Variants in ZSWIM9 observed in about 807,000 individuals in gnomAD.
ZSWIM9 encodes zinc finger SWIM-type containing 9.
A neutral mutation model predicts 25.0 loss-of-function variants in ZSWIM9; 11 were observed. That is an observed-to-expected ratio of 0.44 (90% CI 0.28 to 0.73). ZSWIM9 has a LOEUF of 0.73. Among genes scored for constraint, ZSWIM9 ranks in the 30% least tolerant of loss-of-function variants. The probability of loss-of-function intolerance (pLI) is 0.16; values close to 1 mark genes in which losing one functional copy is unlikely to be tolerated. For synonymous variants in ZSWIM9, 562 were observed against 582.1 expected (o/e 0.97, Z 0.50); for missense variants, 1,070 against 1,296.5 (o/e 0.83, Z 2.68).
At position 48,196,680 on chromosome 19, in the gene ZSWIM9, T is replaced by A. The variant is rs1454666189; in HGVS notation, c.2616T>A (p.Asp872Glu). ...LKDGTSDFFL[D>E]GALTRCSCSI... is the part of the protein sequence containing the mutation. ...ACGGCACCTCGGACTTCTTCCTGGA[T>A]GGGGCCCTGACACGCTGCAGCTGCT... The change falls in exon 4 of 4, where the codon GAT (aspartate) becomes GAA (glutamate). Residue 872 changes from aspartate to glutamate, a missense_variant. Asp to Glu is a conservative substitution (Grantham distance 45). Transcript: ENST00000614654. The A allele has an allele frequency of 1.1e-5, 14 of 1,232,846 alleles. No individual in the cohort carries two copies. The highest frequency in any genetic ancestry group is 1.5e-5 in the African/African-American group (1 of 64,532). The allele number at this position is 1,232,846 out of a possible 1,614,324, so 76.4% of individuals were successfully genotyped here. A position where few individuals can be genotyped will look rare whatever the true frequency, so the allele number is the denominator to read the frequency against.
Position 48,182,742 on chromosome 19 carries a change from T to C in ZSWIM9, c.563T>C (p.Leu188Pro). 6.5e-7 allele frequency: 1 copy of C among 1,529,478 alleles called. No homozygotes were observed. The highest frequency in any genetic ancestry group is 8.8e-7 in the Non-Finnish European group (1 of 1,141,660). 94.7% of individuals were successfully genotyped at this position (1,529,478 alleles called of 1,614,324 possible). Residue 188 changes from leucine to proline, a missense_variant, in exon 3 of 4, where the codon CTC becomes CCC. Coordinates refer to ENST00000614654, the MANE Select transcript of ZSWIM9 (RefSeq NM_199341.4). This position sits in a 1 kb window ranked among gnomAD's most constrained non-coding sequence, Gnocchi z 4.6. ...GACGCCCTGCACGTGCTCGAGGGCC[T>C]CTTCCGCACCGACCCCGAGGCCAAG... is the stretch of plus-strand genomic sequence containing the variant. The part of the protein sequence containing the change: ...VLDALHVLEG[L>P]FRTDPEAKVK...
rs1237774516 is a variant in ZSWIM9, at chr19:48,171,802, G to A, written c.-1G>A. 1.3e-6 allele frequency: 2 copies of A among 1,531,314 alleles called. No individual in the cohort carries two copies. The highest frequency in any genetic ancestry group is 2.7e-5 in the African/African-American group (2 of 72,854). The allele number at this position is 1,531,314 out of a possible 1,614,324, so 94.9% of individuals were successfully genotyped here. ...TCCCCTCCTCCACGCAGGCCCCCAG[G>A]ATGGAGCGGCCGGAGCCCCCACCCG... On this transcript the variant is annotated 5_prime_UTR_variant, in exon 2 of 4. Coordinates refer to ENST00000614654, the MANE Select transcript of ZSWIM9 (RefSeq NM_199341.4).
intron 2 of ZSWIM9, among the ~76,000 whole-genome samples, chr19:48,172,435 G>A (rs1212843596): frequency 2.0e-5 from 3 of 152,016 alleles, no homozygotes; most frequent in Non-Finnish European, 2.9e-5. Flanking sequence ...AGCCTCCCGA[G>A]TAGCTAGGAC....
chr19:48,172,542 C>T (rs2036850919), intron 2 of ZSWIM9, among the ~76,000 whole-genome samples: 1 of 152,122 alleles, frequency 6.6e-6, no homozygotes, highest in African/African-American at 2.4e-5. Flanking sequence ...GAGACAGAGT[C>T]TTGCTCTGTC....
intron 3 of ZSWIM9, among the ~76,000 whole-genome samples, chr19:48,193,386 A>G (rs2037121345): frequency 6.6e-6 from 1 of 152,212 alleles, no homozygotes; most frequent in South Asian, 2.1e-4. Flanking sequence ...GTTCCAGGGC[A>G]GGTAGCATTC....
At chr19:48,187,593 TATA>T (rs1216105627) in intron 3 of ZSWIM9, 34 of 97,488 alleles carry the variant, frequency 3.5e-4, no homozygotes, top group Middle Eastern at 4.1e-3. Context: ...TATTATATAA[TATA>T]ATATTATATA....
chr19:48,197,361 AAGC>A lies in ZSWIM9; in HGVS notation c.*537_*539del, dbSNP rs1216387177. On this transcript the variant is annotated 3_prime_UTR_variant, in exon 4 of 4. Transcript: ENST00000614654. Reference sequence around the variant, plus strand: ...TGAAGACATGAGGAAAAGCTGGGGGAAGCAGGAGAGGAAGGGACGGGATGTAGG... The same window carrying A: ...TGAAGACATGAGGAAAAGCTGGGGGAAGGAGAGGAAGGGACGGGATGTAGG... The A allele has an allele frequency of 5.8e-6, 4 of 693,536 alleles. No homozygotes were observed. The highest frequency in any genetic ancestry group is 7.9e-6 in the Non-Finnish European group (3 of 380,580). 43.0% of individuals were successfully genotyped at this position (693,536 alleles called of 1,614,324 possible).
chr19:48,187,491 T>TTATA (rs1373175949), intron 3 of ZSWIM9, among the ~76,000 whole-genome samples: 597 of 51,182 alleles, frequency 0.012, 13 homozygotes, highest in African/African-American at 0.047. Flanking sequence ...ATATATTATA[T>TTATA]TATAATATAT....
At position 48,196,554 on chromosome 19, in the gene ZSWIM9, C is replaced by T. The variant is rs1394626479; in HGVS notation, c.2490C>T (p.Cys830=). ...CCCTGGCCAAATTCCGAGCAGCCTG[C>T]GGGCCAGAGCTGGCAGACCTGGTGG... ...WEPLAKFRAA[C]GPELADLVAE... is the part of the protein sequence containing the mutation. The change falls in exon 4 of 4, where the codon TGC becomes TGT. Residue 830 remains cysteine (C), a synonymous_variant. Coordinates refer to ENST00000614654, the MANE Select transcript of ZSWIM9 (RefSeq NM_199341.4). 10 of 1,232,240 alleles carry T rather than the reference C, an allele frequency of 8.1e-6. No homozygotes were observed. The highest frequency in any genetic ancestry group is 1.0e-5 in the Non-Finnish European group (10 of 988,266). 76.3% of individuals were successfully genotyped at this position (1,232,240 alleles called of 1,614,324 possible). A position where few individuals can be genotyped will look rare whatever the true frequency, so the allele number is the denominator to read the frequency against.
chr19:48,180,186 T>C (rs967845855), intron 2 of ZSWIM9, among the ~76,000 whole-genome samples: 8 of 152,124 alleles, frequency 5.3e-5, no homozygotes, highest in Non-Finnish European at 7.3e-5. Flanking sequence ...CTGGCTAATT[T>C]TGTATTTTTA....
chr19:48,190,049 A>G (rs1204961060), intron 3 of ZSWIM9, among the ~76,000 whole-genome samples: 1 of 151,916 alleles, frequency 6.6e-6, no homozygotes, highest in Non-Finnish European at 1.5e-5. Context: ...CTAAAAATAC[A>G]TAAATTAGCC....
chr19:48,181,471 T>C (rs1413164022), intron 2 of ZSWIM9: 2 of 152,248 alleles, frequency 1.3e-5, no homozygotes, highest in East Asian at 3.8e-4. Flanking sequence ...GTGTTTTATT[T>C]TAGGAATATA....
In ZSWIM9 at chr19:48,197,292, G is replaced by T. The variant is rs1483124995; in HGVS notation, c.*465G>T. 1.4e-6 allele frequency: 1 copy of T among 702,570 alleles called. No homozygotes were observed. Among genetic ancestry groups the T allele is most frequent in the Non-Finnish European group, 2.6e-6 (1 of 384,888 alleles). 43.5% of individuals were successfully genotyped at this position (702,570 alleles called of 1,614,324 possible). On this transcript the variant is annotated 3_prime_UTR_variant, in exon 4 of 4. Transcript: ENST00000614654. The stretch of plus-strand genomic sequence containing the variant: ...GAGGTAAGCGAGAAAAAATGGAAAG[G>T]GGAGCCGGAAATGGAGGAGAGAGGA...
At chr19:48,183,661 A>T (rs1425102834) in intron 3 of ZSWIM9, among the ~76,000 whole-genome samples, 1 of 145,850 alleles carries the variant, frequency 6.9e-6, no homozygotes, top group East Asian at 2.1e-4. Context: ...TTTTTTTGAG[A>T]CAGGATCTCA....
In ZSWIM9 at chr19:48,182,788, G is replaced by C; in HGVS notation, c.588+21G>C. 6.6e-7 allele frequency: 1 copy of C among 1,504,750 alleles called. No individual in the cohort carries two copies. Among genetic ancestry groups the C allele is most frequent in the African/African-American group, 1.4e-5 (1 of 72,522 alleles). The allele number at this position is 1,504,750 out of a possible 1,614,324, so 93.2% of individuals were successfully genotyped here. ...CCAAGGTGGGGTCTCGAGAGAGGCAGGCCGGGGGAGGGGGCGGGGGAAAGC... is the reference window on the plus strand; with the variant it reads ...CCAAGGTGGGGTCTCGAGAGAGGCACGCCGGGGGAGGGGGCGGGGGAAAGC... On this transcript the variant is annotated intron_variant, in intron 3 of 3. Coordinates refer to ENST00000614654, the MANE Select transcript of ZSWIM9 (RefSeq NM_199341.4). This position sits in a 1 kb window ranked among gnomAD's most constrained non-coding sequence, Gnocchi z 4.6.
intron 3 of ZSWIM9, chr19:48,193,234 G>A (rs899132649): frequency 3.9e-5 from 6 of 154,708 alleles, no homozygotes; most frequent in Non-Finnish European, 8.8e-5. Context: ...GCTCATTGAG[G>A]AGAGGTCACT....
In ZSWIM9 at chr19:48,187,939, A is replaced by AATAGATAGATAG. The variant is rs58658973; in HGVS notation, c.588+5210_588+5221dup. ...CTTGACAACAGAGTGAGACCCTTTAAATAGATAGATAGATAGATAGATAGA... is the reference window on the plus strand; with the variant it reads ...CTTGACAACAGAGTGAGACCCTTTAAATAGATAGATAGATAGATAGATAGATAGATAGATAGA... On this transcript the variant is annotated intron_variant, in intron 3 of 3. Coordinates refer to ENST00000614654, the MANE Select transcript of ZSWIM9 (RefSeq NM_199341.4). Among the ~76,000 whole-genome samples the AATAGATAGATAG allele has an allele frequency of 1.5e-3, 204 of 140,272 alleles. 1 individual carries two copies. The highest frequency in any genetic ancestry group is 2.1e-3 in the East Asian group (10 of 4,746). The allele number at this position is 140,272 out of a possible 152,430, so 92.0% of individuals were successfully genotyped here.
chr19:48,190,889 A>G (rs1216374010), intron 3 of ZSWIM9, among the ~76,000 whole-genome samples: 1 of 152,114 alleles, frequency 6.6e-6, no homozygotes, highest in African/African-American at 2.4e-5. Flanking sequence ...ACAGCTGGTG[A>G]CTTGATTTTA....
intron 2 of ZSWIM9, among the ~76,000 whole-genome samples, chr19:48,180,114 T>TCAAGCGATTCTCCTGCCTC (rs1315596196): frequency 3.9e-5 from 6 of 152,044 alleles, no homozygotes; most frequent in Admixed American, 6.6e-5. Flanking sequence ...CCTCCTGGGT[T>TCAAGCGATTCTCCTGCCTC]CAAGCGATTC....
Sources: allele counts gnomAD v4.1 joint callset (sites outside exome capture counted in the v4.1 genomes callset), GRCh38; gene constraint gnomAD v4.1.1; non-coding constraint Gnocchi (gnomAD v3.1); transcripts MANE v1.5; gene names NCBI Gene and HGNC (gene_info 2026-07-23, HGNC 2026-07-21).